PCDH8: variants seen among roughly 807,000 people sequenced by gnomAD.
PCDH8 encodes protocadherin 8.
PCDH8 carries 36 observed loss-of-function variants against 58.2 expected under a neutral mutation model. The observed-to-expected ratio is 0.62, with a 90% CI of 0.47 to 0.82. The LOEUF (loss-of-function observed/expected upper bound fraction) is 0.82. PCDH8 is among the 40% of genes least tolerant of loss of function. The pLI is 0.00. For synonymous variants in PCDH8, 775 were observed against 728.9 expected, an observed-to-expected ratio of 1.06 and a Z score of -1.02; for missense variants, 1,493 against 1,567.8, an observed-to-expected ratio of 0.95 and a Z score of 0.81.
At position 52,848,634 on chromosome 13, in the gene PCDH8, A is replaced by C; in HGVS notation, c.-198T>G. The C allele has an allele frequency of 8.9e-7, 1 of 1,122,130 alleles. No individual in the cohort carries two copies. Among genetic ancestry groups the C allele is most frequent in the Non-Finnish European group, 1.2e-6 (1 of 836,408 alleles). 69.5% of individuals were successfully genotyped at this position (1,122,130 alleles called of 1,614,324 possible). A position where few individuals can be genotyped will look rare whatever the true frequency, so the allele number is the denominator to read the frequency against. ...CACTCTGCGCCTCTCCGTCTCTTAC[A>C]GAAGCTGCGCCGCCTCGCGCCGCCT... On this transcript the variant is annotated 5_prime_UTR_variant, in exon 1 of 3. Coordinates refer to ENST00000377942, the MANE Select transcript of PCDH8 (RefSeq NM_002590.4).
rs367644741 is a variant in PCDH8, at chr13:52,844,538, T to C, written c.*22A>G. ...GGCTTCTCGGAGTGACCTGTATATGTGTGAAGACATGCAGCATGGGATTAC... is the reference window on the plus strand; with the variant it reads ...GGCTTCTCGGAGTGACCTGTATATGCGTGAAGACATGCAGCATGGGATTAC... On this transcript the variant is annotated 3_prime_UTR_variant, in exon 3 of 3. Coordinates refer to ENST00000377942, the MANE Select transcript of PCDH8 (RefSeq NM_002590.4). The C allele has an allele frequency of 5.2e-6, 8 of 1,552,812 alleles. No homozygotes were observed. Among genetic ancestry groups the C allele is most frequent in the Non-Finnish European group, 7.0e-6 (8 of 1,148,542 alleles).
At position 52,845,927 on chromosome 13, in the gene PCDH8, G is replaced by T; in HGVS notation, c.2510C>A (p.Ala837Glu). Residue 837 changes from alanine to glutamate, a missense_variant, in exon 1 of 3, where the codon GCG (alanine) becomes GAG (glutamate). By Grantham distance (107) the Ala-to-Glu change is moderately radical. Around this residue, in one of 3 missense-constraint regions of PCDH8, gnomAD observed 1,307 missense variants for 1,362.7 expected, o/e 0.96. Transcript: ENST00000377942. The part of the protein sequence containing the change: ...TGKAPFGSPA[A>E]DAPPPAVAAA... ...GGCGACCGCAGGCGGAGGCGCGTCC[G>T]CCGCGGGGCTGCCAAAGGGCGCTTT... 1.3e-6 allele frequency: 2 copies of T among 1,481,554 alleles called. No individual in the cohort carries two copies. Among genetic ancestry groups the T allele is most frequent in the African/African-American group, 1.5e-5 (1 of 67,858 alleles). 91.8% of individuals were successfully genotyped at this position (1,481,554 alleles called of 1,614,324 possible).
Position 52,845,650 on chromosome 13 carries a change from G to GGAAT in PCDH8, c.2632-22_2632-19dup. 1 of 1,613,024 alleles carries GGAAT rather than the reference G, an allele frequency of 6.2e-7. No homozygotes were observed. The highest frequency in any genetic ancestry group is 8.5e-7 in the Non-Finnish European group (1 of 1,179,618). ...CCGTAGGGCTGCAGCAGGGAATAGG[G>GGAAT]GAATGGGAGTGGGGGGAGGGTTGGA... On this transcript the variant is annotated intron_variant, in intron 1 of 2. Coordinates refer to ENST00000377942, the MANE Select transcript of PCDH8 (RefSeq NM_002590.4).
Position 52,846,116 on chromosome 13 carries a change from C to T in PCDH8, c.2321G>A (p.Cys774Tyr). The change falls in exon 1 of 3, where the codon TGC (cysteine) becomes TAC (tyrosine). Residue 774 changes from cysteine (C) to tyrosine (Y), a missense_variant. Cys to Tyr is a radical substitution (Grantham distance 194, BLOSUM62 -2). Transcript: ENST00000377942. ...LAAIIAIATT[C>Y]NRRKKEVRKG... ...GCGCACCTCCTTCTTGCGGCGGTTG[C>T]AGGTGGTGGCGATGGCGATGATGGC... 1 of 1,581,756 alleles carries T rather than the reference C, an allele frequency of 6.3e-7. No individual in the cohort carries two copies. Among genetic ancestry groups the T allele is most frequent in the Non-Finnish European group, 8.5e-7 (1 of 1,171,304 alleles).
At position 52,847,224 on chromosome 13, in the gene PCDH8, C is replaced by T; in HGVS notation, c.1213G>A (p.Ala405Thr). Reference sequence around the variant, plus strand: ...AGGGCCACCAGGCTCTCGCGCGCCGCCCCCTCCGGCACCAGCGAAGTGGCA... The same window carrying T: ...AGGGCCACCAGGCTCTCGCGCGCCGTCCCCTCCGGCACCAGCGAAGTGGCA... ...AGATSLVPEG[A>T]ARESLVALVS... Residue 405 changes from alanine (A) to threonine (T), a missense_variant, in exon 1 of 3, where the codon GCG becomes ACG. By Grantham distance (58) the Ala-to-Thr change is moderately conservative. Coordinates refer to ENST00000377942, the MANE Select transcript of PCDH8 (RefSeq NM_002590.4). The T allele has an allele frequency of 7.1e-7, 1 of 1,399,186 alleles. No individual in the cohort carries two copies. Among genetic ancestry groups the T allele is most frequent in the African/African-American group, 1.5e-5 (1 of 66,618 alleles). The allele number at this position is 1,399,186 out of a possible 1,614,324, so 86.7% of individuals were successfully genotyped here.
In PCDH8 at chr13:52,847,120, C is replaced by G; in HGVS notation, c.1317G>C (p.Leu439=). The G allele has an allele frequency of 3.2e-6, 5 of 1,552,328 alleles. No homozygotes were observed. Among genetic ancestry groups the G allele is most frequent in the Non-Finnish European group, 4.3e-6 (5 of 1,156,304 alleles). Residue 439 remains leucine, a synonymous_variant, in exon 1 of 3, where the codon CTG becomes CTC. Transcript: ENST00000377942. ...GGTAGCTGCCCGCGTAGGCCGGCTG[C>G]AGCCGGAAGTGCTCGTGCCCATAGA... ...CALYGHEHFR[L]QPAYAGSYLV...
At position 52,843,873 on chromosome 13, in the gene PCDH8, A is replaced by G. The variant is rs1277238082; in HGVS notation, c.*687T>C. ...GTTTAATATTGTCATGAACATTAAT[A>G]ATGCCCAAATAATTAGCACTTGAAA... On this transcript the variant is annotated 3_prime_UTR_variant, in exon 3 of 3. Transcript: ENST00000377942. 2 of 152,310 alleles carry G rather than the reference A, an allele frequency of 1.3e-5. No homozygotes were observed. Among genetic ancestry groups the G allele is most frequent in the African/African-American group, 4.8e-5 (2 of 41,478 alleles). 9.4% of individuals were successfully genotyped at this position (152,310 alleles called of 1,614,324 possible).
chr13:52,845,582 C>T lies in PCDH8; in HGVS notation c.2682G>A (p.Ala894=). 6.2e-7 allele frequency: 1 copy of T among 1,614,098 alleles called. No homozygotes were observed. Among genetic ancestry groups the T allele is most frequent in the East Asian group, 2.2e-5 (1 of 44,882 alleles). The change falls in exon 2 of 3, where the codon GCG becomes GCA. Residue 894 remains alanine (A), a synonymous_variant. Coordinates refer to ENST00000377942, the MANE Select transcript of PCDH8 (RefSeq NM_002590.4). ...GFGKEPAPPV[A]VWKGHSFNTI... ...TGTTGAAGGAGTGTCCTTTCCACAC[C>T]GCCACAGGGGGCGCCGGCTCCTTTC...
chr13:52,845,666 G>C, intron 1 of PCDH8, 34 bp from the exon 2 acceptor site: 2 of 1,608,474 alleles, frequency 1.2e-6, no homozygotes, highest in Non-Finnish European at 1.7e-6. Context: ...GGAGTGGGGG[G>C]AGGGTTGGAT....
Position 52,845,510 on chromosome 13 carries a change from A to C in PCDH8, c.2754T>G (p.Gly918=). 6.2e-7 allele frequency: 1 copy of C among 1,614,100 alleles called. No homozygotes were observed. The highest frequency in any genetic ancestry group is 8.5e-7 in the Non-Finnish European group (1 of 1,180,006). The change falls in exon 2 of 3, where the codon GGT becomes GGG. Residue 918 remains glycine, a synonymous_variant. Transcript: ENST00000377942. ...TGTCGTTGAAATCACTGTCCCCTTT[A>C]CCGCTGTCTTTGCCGCTGAACTTCT... ...EAEKFSGKDS[G]KGDSDFNDSD...
At position 52,848,259 on chromosome 13, in the gene PCDH8, C is replaced by T. The variant is rs747364945; in HGVS notation, c.178G>A (p.Asp60Asn). The T allele has an allele frequency of 6.2e-7, 1 of 1,613,708 alleles. No homozygotes were observed. The highest frequency in any genetic ancestry group is 8.5e-7 in the Non-Finnish European group (1 of 1,180,032). The change falls in exon 1 of 3, where the codon GAC (aspartate) becomes AAC (asparagine). Residue 60 changes from aspartate (D) to asparagine (N), a missense_variant. Physicochemically the swap from Asp to Asn is conservative, Grantham distance 23. Transcript: ENST00000377942. ...TGCTTCATCAGGCGGAAGCTTGTGT[C>T]ACCCGATACTTTCATATGCAGGTCC... ...AEDLHMKVSG[D>N]TSFRLMKQFN... is the part of the protein sequence containing the mutation.
Position 52,847,357 on chromosome 13 carries a change from G to A in PCDH8, c.1080C>T (p.Ala360=). ...NAPDIAITPL[A]APGAPATSPF... ...GTGAGGTTGCCGGCGCGCCTGGGGC[G>A]GCCAGCGGGGTGATGGCGATGTCGG... The change falls in exon 1 of 3, where the codon GCC becomes GCT. Residue 360 remains alanine (A), a synonymous_variant. Transcript: ENST00000377942. 6.7e-7 allele frequency: 1 copy of A among 1,486,962 alleles called. No homozygotes were observed. The highest frequency in any genetic ancestry group is 1.3e-5 in the South Asian group (1 of 74,950). 92.1% of individuals were successfully genotyped at this position (1,486,962 alleles called of 1,614,324 possible). A position where few individuals can be genotyped will look rare whatever the true frequency, so the allele number is the denominator to read the frequency against.
Position 52,847,196 on chromosome 13 carries a change from A to T in PCDH8, c.1241T>A (p.Val414Asp). The change falls in exon 1 of 3, where the codon GTC becomes GAC. Residue 414 changes from valine (V) to aspartate (D), a missense_variant. Val to Asp is a radical substitution (Grantham distance 152). Around this residue, in one of 3 missense-constraint regions of PCDH8, gnomAD observed 1,307 missense variants for 1,362.7 expected, o/e 0.96. Coordinates refer to ENST00000377942, the MANE Select transcript of PCDH8 (RefSeq NM_002590.4). ...GCCCGAGTCCCTGTCCGAGGTGCTG[A>T]CCAGGGCCACCAGGCTCTCGCGCGC... is the stretch of plus-strand genomic sequence containing the variant. ...GAARESLVAL[V>D]STSDRDSGAN... 7.0e-7 allele frequency: 1 copy of T among 1,434,840 alleles called. No homozygotes were observed. 88.9% of individuals were successfully genotyped at this position (1,434,840 alleles called of 1,614,324 possible).
chr13:52,845,778 G>C, intron 1 of PCDH8, 28 bp downstream of exon 1: 1 of 1,496,664 alleles, frequency 6.7e-7, no homozygotes, highest in Non-Finnish European at 8.8e-7. Context: ...AGCTCGGAGG[G>C]GGGCGCCCAG....
chr13:52,847,322 G>A lies in PCDH8; in HGVS notation c.1115C>T (p.Ala372Val). Residue 372 changes from alanine to valine, a missense_variant, in exon 1 of 3, where the codon GCT (alanine) becomes GTT (valine). Coordinates refer to ENST00000377942, the MANE Select transcript of PCDH8 (RefSeq NM_002590.4). ...CCCGAGTGCAGCGGCGGCGGCGGCA[G>A]CGGCGAAGGGTGAGGTTGCCGGCGC... ...PGAPATSPFA[A>V]AAAAAALGGA... 1.4e-6 allele frequency: 2 copies of A among 1,414,576 alleles called. No homozygotes were observed. The allele number at this position is 1,414,576 out of a possible 1,614,324, so 87.6% of individuals were successfully genotyped here.
At position 52,846,604 on chromosome 13, in the gene PCDH8, G is replaced by A. The variant is rs763905124; in HGVS notation, c.1833C>T (p.His611=). ...DQNDHAPVLV[H]PAPANGSLEV... ...CTAGGGAGCCATTGGCTGGCGCCGG[G>A]TGCACCAGGACTGGCGCATGGTCGT... is the stretch of plus-strand genomic sequence containing the variant. The change falls in exon 1 of 3, where the codon CAC becomes CAT. Residue 611 remains histidine, a synonymous_variant. Coordinates refer to ENST00000377942, the MANE Select transcript of PCDH8 (RefSeq NM_002590.4). 2.5e-6 allele frequency: 4 copies of A among 1,605,742 alleles called. No homozygotes were observed. Among genetic ancestry groups the A allele is most frequent in the East Asian group, 4.5e-5 (2 of 44,768 alleles).
chr13:52,845,415 G>C lies in PCDH8; in HGVS notation c.2839+10C>G, dbSNP rs1965712345. Reference sequence around the variant, plus strand: ...GAATGCCGAATTTGGCGGGAAAGAAGAGTCCTCACCACTCTGCATGTGGTT... The same window carrying C: ...GAATGCCGAATTTGGCGGGAAAGAACAGTCCTCACCACTCTGCATGTGGTT... On this transcript the variant is annotated intron_variant, in intron 2 of 2. Transcript: ENST00000377942. The C allele has an allele frequency of 1.9e-6, 3 of 1,613,430 alleles. No homozygotes were observed. The highest frequency in any genetic ancestry group is 2.5e-6 in the Non-Finnish European group (3 of 1,179,318).
intron 2 of PCDH8, 83 bp downstream of exon 2, chr13:52,845,342 A>C: frequency 7.8e-7 from 1 of 1,286,920 alleles, no homozygotes; most frequent in Non-Finnish European, 1.1e-6. Context: ...GGGGGCTGGG[A>C]ACCGAGATTG....
chr13:52,843,981 A>G lies in PCDH8; in HGVS notation c.*579T>C, dbSNP rs1378476254. ...TGAAAAGCAATTGGCAGATTCTTCA[A>G]ACACATGACAAATCTTTTATTACTG... On this transcript the variant is annotated 3_prime_UTR_variant, in exon 3 of 3. Transcript: ENST00000377942. 1 of 152,608 alleles carries G rather than the reference A, an allele frequency of 6.6e-6. No homozygotes were observed. The highest frequency in any genetic ancestry group is 1.9e-4 in the East Asian group (1 of 5,202). 9.5% of individuals were successfully genotyped at this position (152,608 alleles called of 1,614,324 possible).
Sources: gnomAD v4.1 joint callset for allele counts on GRCh38, gnomAD v4.1.1 for gene constraint, gnomAD v4.1.1 regional missense constraint, MANE v1.5 for transcripts, NCBI Gene and HGNC (gene_info 2026-07-23, HGNC 2026-07-21) for gene names.